ESCO2: variants seen among roughly 807,000 people sequenced by gnomAD.
ESCO2 encodes the protein N-acetyltransferase ESCO2.
A neutral mutation model predicts 61.7 loss-of-function variants in ESCO2; 51 were observed. The ratio of observed to expected loss-of-function variants is 0.83; its 90% CI spans 0.66 to 1.04. The LOEUF (loss-of-function observed/expected upper bound fraction) is 1.04, where lower values mean the gene tolerates loss of function less well. ESCO2 is among the 50% of genes least tolerant of loss of function. The pLI, the probability that ESCO2 is intolerant of heterozygous loss-of-function variation, is 0.00. For missense variants in ESCO2, 692 were observed against 686.2 expected, an observed-to-expected ratio of 1.01 and a Z score of -0.09; for synonymous variants, 230 against 238.2, an observed-to-expected ratio of 0.97 and a Z score of 0.32.
At chr8:27,773,947 T>C (rs1024772203), upstream of ESCO2, among the ~76,000 whole-genome samples, 7 of 152,158 alleles carry the variant, frequency 4.6e-5, no homozygotes, top group Non-Finnish European at 7.4e-5. Context: ...ATTTGTAAAA[T>C]GGGAATGGCA....
downstream of ESCO2, among the ~76,000 whole-genome samples, chr8:27,805,568 G>A (rs1225436232): frequency 2.0e-5 from 3 of 151,988 alleles, no homozygotes; most frequent in Non-Finnish European, 4.4e-5. Context: ...GCACTGAGAT[G>A]GTCTCAAAGC....
intron 9 of ESCO2, among the ~76,000 whole-genome samples, chr8:27,793,949 G>A (rs543724757): frequency 6.6e-6 from 1 of 152,246 alleles, no homozygotes; most frequent in South Asian, 2.1e-4. Context: ...CTGCTTCTAT[G>A]AAGTCAACTT....
At position 27,776,382 on chromosome 8, in the gene ESCO2, A is replaced by C. The variant is rs1554553894; in HGVS notation, c.74A>C (p.Asn25Thr). ...TATAGCCTTTTACACTTCACTGAAA[A>C]TCTGTTTCCATCACCTAATAAAAAG... ...KCDSLLHFTE[N>T]LFPSPNKKHC... The change falls in exon 3 of 11, where the codon AAT (asparagine) becomes ACT (threonine). Residue 25 changes from asparagine to threonine, a missense_variant. Physicochemically the swap from Asn to Thr is moderately conservative, Grantham distance 65. Coordinates refer to ENST00000305188, the MANE Select transcript of ESCO2 (RefSeq NM_001017420.3). The C allele has an allele frequency of 6.2e-7, 1 of 1,606,712 alleles. No homozygotes were observed. The highest frequency in any genetic ancestry group is 8.5e-7 in the Non-Finnish European group (1 of 1,176,422).
chr8:27,782,994 T>C (rs1388671749), intron 4 of ESCO2, among the ~76,000 whole-genome samples: 1 of 152,026 alleles, frequency 6.6e-6, no homozygotes, highest in East Asian at 1.9e-4. Context: ...TTTTTTTTTC[T>C]CATTTGATGT....
At chr8:27,818,185 T>G in the ESCO2 span, among the ~76,000 whole-genome samples, 2 of 152,184 alleles carry the variant, frequency 1.3e-5, no homozygotes, top group Admixed American at 6.5e-5. Flanking sequence ...TTGGTTGTTG[T>G]AAGTCACTGA....
chr8:27,810,517 G>T, downstream of ESCO2: 1 of 1,496,822 alleles, frequency 6.7e-7, no homozygotes, highest in Non-Finnish European at 9.2e-7. Context: ...AGGAGTTAGA[G>T]ATTGAAACAA....
At chr8:27,788,112 G>A (rs1805089391) in intron 6 of ESCO2, 110 bp downstream of exon 6, 6 of 759,494 alleles carry the variant, frequency 7.9e-6, no homozygotes, top group Non-Finnish European at 1.4e-5. Flanking sequence ...ATTAAGCAAT[G>A]TTTTATGTGA....
upstream of ESCO2, among the ~76,000 whole-genome samples, chr8:27,773,990 A>C (rs1804717904): frequency 6.6e-6 from 1 of 152,238 alleles, no homozygotes; most frequent in African/African-American, 2.4e-5. Flanking sequence ...TTGTGGTAAG[A>C]AGTAAATGAA....
chr8:27,810,588 A>G, downstream of ESCO2: 1 of 724,250 alleles, frequency 1.4e-6, no homozygotes, highest in Admixed American at 2.6e-5. Context: ...CTGAAACAAG[A>G]ATTTATGGTC....
chr8:27,781,561 C>CTTT (rs67899310), intron 4 of ESCO2, among the ~76,000 whole-genome samples: 3 of 136,550 alleles, frequency 2.2e-5, no homozygotes, highest in African/African-American at 8.1e-5. Flanking sequence ...TTGGTATAGA[C>CTTT]TTTTTTTTTT....
chr8:27,803,216 T>A, intron 10 of ESCO2, 90 bp from the exon 11 acceptor site: 1 of 1,174,196 alleles, frequency 8.5e-7, no homozygotes, highest in African/African-American at 1.5e-5. Context: ...TAAGGTTGAT[T>A]TAAGTCAAGA....
chr8:27,817,410 T>C (rs901670429), downstream of ESCO2, among the ~76,000 whole-genome samples: 1 of 152,098 alleles, frequency 6.6e-6, no homozygotes, highest in Non-Finnish European at 1.5e-5. Context: ...AGACGACAGT[T>C]TGGAAATCTG....
At chr8:27,808,257 G>A, downstream of ESCO2, 8 of 1,222,584 alleles carry the variant, frequency 6.5e-6, no homozygotes, top group Non-Finnish European at 8.4e-6. Context: ...TTCTCAAGTA[G>A]CTGCTGATTA....
At chr8:27,797,055 T>C (rs1805313324) in intron 9 of ESCO2, among the ~76,000 whole-genome samples, 2 of 152,246 alleles carry the variant, frequency 1.3e-5, no homozygotes, top group African/African-American at 2.4e-5. Context: ...GAAGCTGCAG[T>C]GTGCTATGAT....
intron 5 of ESCO2, among the ~76,000 whole-genome samples, chr8:27,785,437 C>T (rs925047902): frequency 5.3e-5 from 8 of 152,198 alleles, no homozygotes; most frequent in Non-Finnish European, 4.4e-5. Context: ...CGCAGTGGCT[C>T]ATGCCTGTAA....
intron 7 of ESCO2, among the ~76,000 whole-genome samples, chr8:27,789,601 G>A (rs895554091): frequency 3.9e-5 from 6 of 151,952 alleles, no homozygotes; most frequent in Non-Finnish European, 8.8e-5. Context: ...CCAACATGGC[G>A]AAAACCTGTC....
rs1221833727 is a variant in ESCO2 at position 27,802,654 on chromosome 8, TATTA to T, written c.1674-651_1674-648del. The stretch of plus-strand genomic sequence containing the variant: ...AAATATATATATATATATATATATA[TATTA>T]TATATATATATATATAGTTACTGCT... On this transcript the variant is annotated intron_variant, in intron 10 of 10. Transcript: ENST00000305188. Among the ~76,000 whole-genome samples, 8 of 69,882 alleles carry T rather than the reference TATTA, an allele frequency of 1.1e-4. No homozygotes were observed. In the East Asian group the frequency reaches 2.7e-3, roughly 23 times the overall value. 45.8% of individuals were successfully genotyped at this position (69,882 alleles called of 152,430 possible). A position where few individuals can be genotyped will look rare whatever the true frequency, so the allele number is the denominator to read the frequency against.
intron 10 of ESCO2, among the ~76,000 whole-genome samples, chr8:27,800,456 A>G (rs1332627740): frequency 6.6e-6 from 1 of 152,206 alleles, no homozygotes; most frequent in Non-Finnish European, 1.5e-5. Flanking sequence ...GATGACTGTA[A>G]TCAAACAGAC....
chr8:27,785,548 A>G (rs367678737), intron 5 of ESCO2, among the ~76,000 whole-genome samples: 46 of 152,126 alleles, frequency 3.0e-4, no homozygotes, highest in Middle Eastern at 3.4e-3. Context: ...AAAAATACAG[A>G]AATTAGTTGG....
Sources: gnomAD v4.1 joint callset for allele counts (sites outside exome capture counted in the v4.1 genomes callset) on GRCh38, gnomAD v4.1.1 for gene constraint, MANE v1.5 for transcripts, NCBI Gene and HGNC (gene_info 2026-07-23, HGNC 2026-07-21) for gene names.